The following GALNT17 variants were observed in gnomAD, a reference collection of about 807,000 sequenced individuals.
GALNT17 encodes polypeptide N-acetylgalactosaminyltransferase 17.
A neutral mutation model predicts 63.7 loss-of-function variants in GALNT17; 29 were observed. That is an observed-to-expected ratio of 0.46 (90% CI 0.34 to 0.62). GALNT17 has a LOEUF of 0.62. GALNT17 is among the 20% of genes least tolerant of loss of function. GALNT17 has a pLI of 0.01. For missense variants in GALNT17, 603 were observed against 799.6 expected, an observed-to-expected ratio of 0.75 and a Z score of 2.97; for synonymous variants, 305 against 318.3, an observed-to-expected ratio of 0.96 and a Z score of 0.45.
intron 6 of GALNT17, among the ~76,000 whole-genome samples, chr7:71,632,437 G>T (rs549667242): frequency 6.6e-6 from 1 of 152,216 alleles, no homozygotes; most frequent in Non-Finnish European, 1.5e-5. Context: ...GAAAGGAGAA[G>T]GCAGTAGGTG....
At chr7:71,594,132 G>T (rs1413133454) in intron 6 of GALNT17, among the ~76,000 whole-genome samples, 2 of 152,000 alleles carry the variant, frequency 1.3e-5, no homozygotes, top group Admixed American at 6.6e-5. Flanking sequence ...GAAATTTGGG[G>T]CTCTTTTTGG....
At chr7:71,436,038 A>AC (rs1786956498) in intron 5 of GALNT17, among the ~76,000 whole-genome samples, 1 of 151,346 alleles carries the variant, frequency 6.6e-6, no homozygotes, top group Admixed American at 6.6e-5. Context: ...GAAAAAAAAA[A>AC]AAAACAACTC....
intron 1 of GALNT17, among the ~76,000 whole-genome samples, chr7:71,168,421 A>G (rs1367545889): frequency 6.6e-6 from 1 of 152,128 alleles, no homozygotes; most frequent in East Asian, 1.9e-4. Context: ...AAAATACAAA[A>G]ATTAGCTGGG....
At chr7:71,417,158 TTGAG>T (rs1055681769) in intron 4 of GALNT17, among the ~76,000 whole-genome samples, 8 of 152,248 alleles carry the variant, frequency 5.3e-5, no homozygotes, top group African/African-American at 1.7e-4. Flanking sequence ...TGAGGCCTTC[TTGAG>T]TAAGTGTTGT....
In GALNT17 at chr7:71,146,995, A is replaced by C. The variant is rs138837762; in HGVS notation, c.238+13955A>C. 2.0e-3 allele frequency among the ~76,000 whole-genome samples: 298 copies of C among 152,262 alleles called. 1 individual carries two copies. The highest frequency in any genetic ancestry group is 6.9e-3 in the African/African-American group (285 of 41,558). ...ACTGAGGAATGTCCTGTAGTTACAT[A>C]CAGCTTGTTAGGTGCTGTACTTCCC... On this transcript the variant is annotated intron_variant, in intron 1 of 10. Transcript: ENST00000333538.
intron 5 of GALNT17, among the ~76,000 whole-genome samples, chr7:71,496,907 A>G (rs1276276782): frequency 6.7e-6 from 1 of 148,458 alleles, no homozygotes. Flanking sequence ...GACCATGTCT[A>G]TACAAAAATT....
intron 5 of GALNT17, among the ~76,000 whole-genome samples, chr7:71,498,248 G>C (rs1298993177): frequency 6.6e-6 from 1 of 152,116 alleles, no homozygotes; most frequent in Non-Finnish European, 1.5e-5. Flanking sequence ...GGCTGAGGTG[G>C]GCGGATCACT....
chr7:71,411,036 A>G (rs1793420317), intron 3 of GALNT17, among the ~76,000 whole-genome samples: 1 of 152,192 alleles, frequency 6.6e-6, no homozygotes. Context: ...AAAAGAAAGT[A>G]AGATGTTTTT....
chr7:71,456,934 G>A (rs1003791721), intron 5 of GALNT17, among the ~76,000 whole-genome samples: 2 of 152,152 alleles, frequency 1.3e-5, no homozygotes, highest in Non-Finnish European at 2.9e-5. Context: ...AGTAAGGTGG[G>A]ACAACTCGAA....
At chr7:71,213,414 G>A (rs936727276) in intron 1 of GALNT17, among the ~76,000 whole-genome samples, 1 of 151,972 alleles carries the variant, frequency 6.6e-6, no homozygotes, top group African/African-American at 2.4e-5. Context: ...AATACACTTG[G>A]CAATTGGTAT....
At chr7:71,456,338 T>C (rs1348771505) in intron 5 of GALNT17, among the ~76,000 whole-genome samples, 1 of 152,214 alleles carries the variant, frequency 6.6e-6, no homozygotes, top group Non-Finnish European at 1.5e-5. Flanking sequence ...TTAGTTCTTT[T>C]TTATAATTCG....
intron 2 of GALNT17, among the ~76,000 whole-genome samples, chr7:71,378,288 G>A (rs578083841): frequency 6.6e-6 from 1 of 152,146 alleles, no homozygotes; most frequent in Admixed American, 6.5e-5. Context: ...AATAATGAGA[G>A]CTCCAAAAGC....
intron 1 of GALNT17, among the ~76,000 whole-genome samples, chr7:71,250,386 G>C (rs1396842129): frequency 6.6e-6 from 1 of 152,058 alleles, no homozygotes; most frequent in Admixed American, 6.6e-5. Flanking sequence ...TATTTCCAGG[G>C]GATTTAGGTC....
At chr7:71,318,863 A>T (rs193224254) in intron 1 of GALNT17, among the ~76,000 whole-genome samples, 6 of 152,276 alleles carry the variant, frequency 3.9e-5, no homozygotes, top group African/African-American at 1.4e-4. Flanking sequence ...TAAATTCAGT[A>T]CGGAGTTGCA....
chr7:71,646,141 G>A (rs1258054305), intron 6 of GALNT17, among the ~76,000 whole-genome samples: 1 of 152,168 alleles, frequency 6.6e-6, no homozygotes, highest in Non-Finnish European at 1.5e-5. Flanking sequence ...ACAGAGAACA[G>A]CATTTCTGCC....
At chr7:71,231,129 C>T (rs1229145635) in intron 1 of GALNT17, among the ~76,000 whole-genome samples, 3 of 152,042 alleles carry the variant, frequency 2.0e-5, no homozygotes, top group South Asian at 4.1e-4. Context: ...TTAAGGTGAT[C>T]TAAGCTTTAA....
At chr7:71,285,069 A>G (rs987870198) in intron 1 of GALNT17, among the ~76,000 whole-genome samples, 9 of 152,218 alleles carry the variant, frequency 5.9e-5, no homozygotes, top group Admixed American at 5.9e-4. Context: ...TCTATTTTGG[A>G]TGAGAAAAGA....
In GALNT17 at chr7:71,712,388, C is replaced by T. The variant is rs559990407; in HGVS notation, c.*242C>T. Reference sequence around the variant, plus strand: ...CCCCACCCTTCCTCTGGGAAACTGACAGCTGTCTTCCACAGCCTCTGATGT... The same window carrying T: ...CCCCACCCTTCCTCTGGGAAACTGATAGCTGTCTTCCACAGCCTCTGATGT... On this transcript the variant is annotated 3_prime_UTR_variant, in exon 11 of 11. Coordinates refer to ENST00000333538, the MANE Select transcript of GALNT17 (RefSeq NM_022479.3). 1 of 395,842 alleles carries T rather than the reference C, an allele frequency of 2.5e-6. No homozygotes were observed. The highest frequency in any genetic ancestry group is 4.6e-6 in the Non-Finnish European group (1 of 215,954). The allele number at this position is 395,842 out of a possible 1,614,324, so 24.5% of individuals were successfully genotyped here.
chr7:71,259,437 C>T (rs1460279451), intron 1 of GALNT17, among the ~76,000 whole-genome samples: 1 of 152,024 alleles, frequency 6.6e-6, no homozygotes. Context: ...ATCAATTGCC[C>T]AAGGTGATAG....
Sources: allele counts gnomAD v4.1 joint callset (sites outside exome capture counted in the v4.1 genomes callset), GRCh38; gene constraint gnomAD v4.1.1; transcripts MANE v1.5; gene names NCBI Gene and HGNC (gene_info 2026-07-23, HGNC 2026-07-21).